The following TP53I3 variants were observed in gnomAD, a reference collection of about 807,000 sequenced individuals.
TP53I3 encodes quinone oxidoreductase PIG3.
Under a neutral mutation model 27.7 loss-of-function variants are expected in TP53I3, and 32 were observed. That is an observed-to-expected ratio of 1.16 (90% CI 0.87 to 1.55). TP53I3 has a LOEUF of 1.55. TP53I3 is among the 40% of genes most tolerant of loss of function. The pLI, the probability that TP53I3 is intolerant of heterozygous loss-of-function variation, is 0.00. For synonymous variants in TP53I3, 138 were observed against 167.8 expected (o/e 0.82, Z 1.37); for missense variants, 372 against 412.3 (o/e 0.90, Z 0.85).
chr2:24,084,499 G>T lies in TP53I3; in HGVS notation c.-173C>A. On this transcript the variant is annotated 5_prime_UTR_variant, in exon 1 of 5. Coordinates refer to ENST00000238721, the MANE Select transcript of TP53I3 (RefSeq NM_004881.5). The surrounding 1 kb of genome is among the most constrained non-coding windows in gnomAD (Gnocchi z 8.4). Reference sequence around the variant, plus strand: ...CTGCCGGCCAGCGCCTCGCTGCCCTGGTCTGCCGCGGACCCGGCCTCCGCC... The same window carrying T: ...CTGCCGGCCAGCGCCTCGCTGCCCTTGTCTGCCGCGGACCCGGCCTCCGCC... 2.3e-6 allele frequency: 2 copies of T among 878,622 alleles called. No homozygotes were observed. Among genetic ancestry groups the T allele is most frequent in the Non-Finnish European group, 3.2e-6 (2 of 621,080 alleles). 54.4% of individuals were successfully genotyped at this position (878,622 alleles called of 1,614,324 possible). A position where few individuals can be genotyped will look rare whatever the true frequency, so the allele number is the denominator to read the frequency against.
chr2:24,077,901 A>G lies in TP53I3; in HGVS notation c.817-140T>C. 1.2e-6 allele frequency: 1 copy of G among 843,060 alleles called. No individual in the cohort carries two copies. Among genetic ancestry groups the G allele is most frequent in the Non-Finnish European group, 1.8e-6 (1 of 548,530 alleles). The allele number at this position is 843,060 out of a possible 1,614,324, so 52.2% of individuals were successfully genotyped here. On this transcript the variant is annotated intron_variant, in intron 4 of 4. Transcript: ENST00000238721. The surrounding 1 kb of genome is among the most constrained non-coding windows in gnomAD (Gnocchi z 5.5). Reference sequence around the variant, plus strand: ...GACACTTAACCCCTCACTTCCTAGCATGTGTGTGAAATACCCTTGAAGGAG... The same window carrying G: ...GACACTTAACCCCTCACTTCCTAGCGTGTGTGTGAAATACCCTTGAAGGAG...
Position 24,080,765 on chromosome 2 carries a change from C to A in TP53I3, c.619+54G>T, listed in dbSNP as rs776697223. 2 of 1,606,926 alleles carry A rather than the reference C, an allele frequency of 1.2e-6. No individual in the cohort carries two copies. Among genetic ancestry groups the A allele is most frequent in the African/African-American group, 1.3e-5 (1 of 74,592 alleles). On this transcript the variant is annotated intron_variant, in intron 3 of 4. Coordinates refer to ENST00000238721, the MANE Select transcript of TP53I3 (RefSeq NM_004881.5). This position sits in a 1 kb window ranked among gnomAD's most constrained non-coding sequence, Gnocchi z 4.7. ...ACTGGCAACTTTGAGACTGGTGGGG[C>A]TTTTATTTAATCATCTCTTAAATTC...
chr2:24,079,200 C>T (rs1664888766), intron 4 of TP53I3: 2 of 504,212 alleles, frequency 4.0e-6, no homozygotes, highest in Admixed American at 3.2e-5. Context: ...TTTCTTCATT[C>T]TGTTAGAATG....
At chr2:24,081,738 G>C (rs1665012280) in intron 2 of TP53I3, among the ~76,000 whole-genome samples, 2 of 150,836 alleles carry the variant, frequency 1.3e-5, no homozygotes, top group South Asian at 4.2e-4. Flanking sequence ...ACCCAGGCTG[G>C]AGTGCAGTGG....
rs1664813593 is a variant in TP53I3 at position 24,077,663 on chromosome 2, G to A, written c.915C>T (p.Tyr305=). ...QRLLPVLDRI[Y]PVTEIQEAHK... is the part of the protein sequence containing the mutation. The stretch of plus-strand genomic sequence containing the variant: ...GGGCCTCCTGGATTTCGGTCACTGG[G>A]TAGATTCTGTCCAGAACCGGCAGCA... Residue 305 remains tyrosine, a synonymous_variant, in exon 5 of 5, where the codon TAC becomes TAT. Coordinates refer to ENST00000238721, the MANE Select transcript of TP53I3 (RefSeq NM_004881.5). This position sits in a 1 kb window ranked among gnomAD's most constrained non-coding sequence, Gnocchi z 5.5. 2 of 1,613,964 alleles carry A rather than the reference G, an allele frequency of 1.2e-6. No homozygotes were observed. The highest frequency in any genetic ancestry group is 1.7e-5 in the Admixed American group (1 of 60,006).
chr2:24,077,890 C>T lies in TP53I3; in HGVS notation c.817-129G>A, dbSNP rs1183975235. 2.2e-6 allele frequency: 2 copies of T among 921,010 alleles called. No homozygotes were observed. Among genetic ancestry groups the T allele is most frequent in the African/African-American group, 3.3e-5 (2 of 60,170 alleles). 57.1% of individuals were successfully genotyped at this position (921,010 alleles called of 1,614,324 possible). On this transcript the variant is annotated intron_variant, in intron 4 of 4. Coordinates refer to ENST00000238721, the MANE Select transcript of TP53I3 (RefSeq NM_004881.5). The surrounding 1 kb of genome is among the most constrained non-coding windows in gnomAD (Gnocchi z 5.5). ...AAGCACACAGGGACACTTAACCCCT[C>T]ACTTCCTAGCATGTGTGTGAAATAC...
In TP53I3 at chr2:24,080,852, C is replaced by T. The variant is rs771687757; in HGVS notation, c.586G>A (p.Asp196Asn). The T allele has an allele frequency of 1.2e-6, 2 of 1,614,182 alleles. No individual in the cohort carries two copies. Among genetic ancestry groups the T allele is most frequent in the Non-Finnish European group, 1.7e-6 (2 of 1,180,030 alleles). Residue 196 changes from aspartate to asparagine, a missense_variant, in exon 3 of 5, where the codon GAT becomes AAT. Coordinates refer to ENST00000238721, the MANE Select transcript of TP53I3 (RefSeq NM_004881.5). The surrounding 1 kb of genome is among the most constrained non-coding windows in gnomAD (Gnocchi z 4.7). ...AATTTCAGCGTTGCTTCAGAGAAATCCTCTTTTTTGTAATTGAATCCAGCA... is the reference window on the plus strand; with the variant it reads ...AATTTCAGCGTTGCTTCAGAGAAATTCTCTTTTTTGTAATTGAATCCAGCA... ...AAAGFNYKKE[D>N]FSEATLKFTK...
At chr2:24,079,231 T>C (rs1664889869) in intron 4 of TP53I3, 2 of 560,648 alleles carry the variant, frequency 3.6e-6, no homozygotes, top group African/African-American at 1.9e-5. Context: ...CTGTGAAGTA[T>C]CAGCTACACT....
Position 24,077,680 on chromosome 2 carries a change from C to T in TP53I3, c.898G>A (p.Val300Ile). The T allele has an allele frequency of 6.2e-7, 1 of 1,614,088 alleles. No homozygotes were observed. Among genetic ancestry groups the T allele is most frequent in the South Asian group, 1.1e-5 (1 of 91,080 alleles). ...GTCACTGGGTAGATTCTGTCCAGAACCGGCAGCAGACGTTGGGGGCCCTCC... is the reference window on the plus strand; with the variant it reads ...GTCACTGGGTAGATTCTGTCCAGAATCGGCAGCAGACGTTGGGGGCCCTCC... ...STEGPQRLLP[V>I]LDRIYPVTEI... The change falls in exon 5 of 5, where the codon GTT becomes ATT. Residue 300 changes from valine to isoleucine, a missense_variant. By Grantham distance (29) the Val-to-Ile change is conservative. Coordinates refer to ENST00000238721, the MANE Select transcript of TP53I3 (RefSeq NM_004881.5). This position sits in a 1 kb window ranked among gnomAD's most constrained non-coding sequence, Gnocchi z 5.5.
chr2:24,079,453 C>T lies in TP53I3; in HGVS notation c.807G>A (p.Arg269=). Residue 269 remains arginine, a synonymous_variant, in exon 4 of 5, where the codon AGG becomes AGA. Coordinates refer to ENST00000238721, the MANE Select transcript of TP53I3 (RefSeq NM_004881.5). ...GSLITSLLRS[R]DNKYKQMLVN... is the part of the protein sequence containing the mutation. ...TTCATTCATCACTCACCTTATTGTCCCTAGACCTCAGCAAACTGGTGATCA... is the reference window on the plus strand; with the variant it reads ...TTCATTCATCACTCACCTTATTGTCTCTAGACCTCAGCAAACTGGTGATCA... 1.2e-6 allele frequency: 2 copies of T among 1,614,024 alleles called. No homozygotes were observed. Among genetic ancestry groups the T allele is most frequent in the South Asian group, 1.1e-5 (1 of 91,054 alleles).
At chr2:24,078,077 C>G (rs1279183825) in intron 4 of TP53I3, among the ~76,000 whole-genome samples, 2 of 152,068 alleles carry the variant, frequency 1.3e-5, no homozygotes, top group African/African-American at 4.8e-5. Context: ...GGTACCCTCC[C>G]CATACTAGGG....
rs781206757 is a variant in TP53I3, at chr2:24,077,741, A to C, written c.837T>G (p.Asn279Lys). 1 of 1,613,840 alleles carries C rather than the reference A, an allele frequency of 6.2e-7. No homozygotes were observed. The highest frequency in any genetic ancestry group is 1.1e-5 in the South Asian group (1 of 91,048). ...RDNKYKQMLV[N>K]AFTEQILPHF... is the part of the protein sequence containing the mutation. ...GAGGCAGAATTTGCTCCGTGAAAGC[A>C]TTCACCAGCATTTGCTTGTACTAAG... is the stretch of plus-strand genomic sequence containing the variant. The change falls in exon 5 of 5, where the codon AAT becomes AAG. Residue 279 changes from asparagine to lysine, a missense_variant. By Grantham distance (94) the Asn-to-Lys change is moderately conservative. Transcript: ENST00000238721. The surrounding 1 kb of genome is among the most constrained non-coding windows in gnomAD (Gnocchi z 5.5).
chr2:24,082,767 C>T, intron 2 of TP53I3, 118 bp downstream of exon 2: 1 of 1,338,640 alleles, frequency 7.5e-7, no homozygotes, highest in South Asian at 1.5e-5. Flanking sequence ...GAGGACCTGA[C>T]AATACAGGTG....
In TP53I3 at chr2:24,077,485, G is replaced by C. The variant is rs1664800227; in HGVS notation, c.*94C>G. On this transcript the variant is annotated 3_prime_UTR_variant, in exon 5 of 5. Transcript: ENST00000238721. The surrounding 1 kb of genome is among the most constrained non-coding windows in gnomAD (Gnocchi z 5.5). ...TCAGCTTTAAACGGCTCTGGAGGAA[G>C]CACCGGGTTTCTTGGCCTGTCTATT... 3.6e-6 allele frequency: 5 copies of C among 1,389,600 alleles called. No homozygotes were observed. The East Asian group carries it at 1.2e-4, about 34-fold the overall frequency. 86.1% of individuals were successfully genotyped at this position (1,389,600 alleles called of 1,614,324 possible). A position where few individuals can be genotyped will look rare whatever the true frequency, so the allele number is the denominator to read the frequency against.
rs1429280567 is a variant in TP53I3, at chr2:24,084,712, G to C, written c.-386C>G. ...CCCCAGCCCGACCCGGGTCCCCGGC[G>C]CCCGTATGAGTTACTTACTCCTGGC... is the stretch of plus-strand genomic sequence containing the variant. On this transcript the variant is annotated 5_prime_UTR_variant, in exon 1 of 5. Transcript: ENST00000238721. The surrounding 1 kb of genome is among the most constrained non-coding windows in gnomAD (Gnocchi z 8.4). 3 of 172,860 alleles carry C rather than the reference G, an allele frequency of 1.7e-5. No homozygotes were observed. Among genetic ancestry groups the C allele is most frequent in the African/African-American group, 7.1e-5 (3 of 42,086 alleles). The allele number at this position is 172,860 out of a possible 1,614,324, so 10.7% of individuals were successfully genotyped here. A position where few individuals can be genotyped will look rare whatever the true frequency, so the allele number is the denominator to read the frequency against.
In TP53I3 at chr2:24,084,436, C is replaced by A. The variant is rs973572318; in HGVS notation, c.-110G>T. ...CAGGGCAGGGGCCGCTGTATCCTCG[C>A]GGAGCAGCCCAGCCTCAGGCTGGCA... On this transcript the variant is annotated 5_prime_UTR_variant, in exon 1 of 5. Coordinates refer to ENST00000238721, the MANE Select transcript of TP53I3 (RefSeq NM_004881.5). The surrounding 1 kb of genome is among the most constrained non-coding windows in gnomAD (Gnocchi z 8.4). The A allele has an allele frequency of 5.4e-5, 72 of 1,343,452 alleles. No individual in the cohort carries two copies. The South Asian group carries it at 6.5e-4, about 12-fold the overall frequency. 83.2% of individuals were successfully genotyped at this position (1,343,452 alleles called of 1,614,324 possible).
In TP53I3 at chr2:24,084,430, T is replaced by C; in HGVS notation, c.-104A>G. 1 of 1,364,062 alleles carries C rather than the reference T, an allele frequency of 7.3e-7. No individual in the cohort carries two copies. The highest frequency in any genetic ancestry group is 9.6e-7 in the Non-Finnish European group (1 of 1,037,476). The allele number at this position is 1,364,062 out of a possible 1,614,324, so 84.5% of individuals were successfully genotyped here. A position where few individuals can be genotyped will look rare whatever the true frequency, so the allele number is the denominator to read the frequency against. On this transcript the variant is annotated 5_prime_UTR_variant, in exon 1 of 5. Coordinates refer to ENST00000238721, the MANE Select transcript of TP53I3 (RefSeq NM_004881.5). This position sits in a 1 kb window ranked among gnomAD's most constrained non-coding sequence, Gnocchi z 8.4. ...ACAGGACAGGGCAGGGGCCGCTGTA[T>C]CCTCGCGGAGCAGCCCAGCCTCAGG... is the stretch of plus-strand genomic sequence containing the variant.
Position 24,080,823 on chromosome 2 carries a change from G to A in TP53I3, c.615C>T (p.Thr205=). ...ACTGTAGAAGCAGTTGTTTACCTTT[G>A]GTGAATTTCAGCGTTGCTTCAGAGA... ...EDFSEATLKF[T]KGAGVNLILD... The change falls in exon 3 of 5, where the codon ACC becomes ACT. Residue 205 remains threonine (T), a synonymous_variant. Coordinates refer to ENST00000238721, the MANE Select transcript of TP53I3 (RefSeq NM_004881.5). The surrounding 1 kb of genome is among the most constrained non-coding windows in gnomAD (Gnocchi z 4.7). 6.2e-7 allele frequency: 1 copy of A among 1,614,116 alleles called. No homozygotes were observed. The highest frequency in any genetic ancestry group is 8.5e-7 in the Non-Finnish European group (1 of 1,180,016).
chr2:24,077,812 CCCT>C lies in TP53I3; in HGVS notation c.817-54_817-52del, dbSNP rs1558357385. ...AGCCTGGGGAGAGAGCCTCACCCTGCCCTCCTCATCCTCCTCAGCCTTCTTGCT... is the reference window on the plus strand; with the variant it reads ...AGCCTGGGGAGAGAGCCTCACCCTGCCCTCATCCTCCTCAGCCTTCTTGCT... On this transcript the variant is annotated intron_variant, in intron 4 of 4. Transcript: ENST00000238721. This position sits in a 1 kb window ranked among gnomAD's most constrained non-coding sequence, Gnocchi z 5.5. 6.4e-7 allele frequency: 1 copy of C among 1,556,836 alleles called. No individual in the cohort carries two copies. The highest frequency in any genetic ancestry group is 8.7e-7 in the Non-Finnish European group (1 of 1,146,762).
Sources: allele counts gnomAD v4.1 joint callset (sites outside exome capture counted in the v4.1 genomes callset), GRCh38; gene constraint gnomAD v4.1.1; non-coding constraint Gnocchi (gnomAD v3.1); transcripts MANE v1.5; gene names NCBI Gene and HGNC (gene_info 2026-07-23, HGNC 2026-07-21).